Variants in NBPF26 observed in about 807,000 individuals in gnomAD.
The protein encoded by NBPF26 is NBPF member 26, also known as NBPF family member NBPF26.
In NBPF26, 79 loss-of-function variants were observed where a neutral mutation model predicts 119.6. The ratio of observed to expected loss-of-function variants is 0.66; its 90% CI spans 0.55 to 0.80. The LOEUF (loss-of-function observed/expected upper bound fraction) is 0.80. Among genes scored for constraint, NBPF26 ranks in the 30% least tolerant of loss-of-function variants. The pLI is 0.00. For synonymous variants in NBPF26, 299 were observed against 457.7 expected (o/e 0.65, Z 4.43); for missense variants, 800 against 1,198.2 (o/e 0.67, Z 4.91).
rs1553273395 is a variant in NBPF26, at chr1:120,840,326, C to G, written c.4104-24C>G. 33 of 1,444,232 alleles carry G rather than the reference C, an allele frequency of 2.3e-5. 8 individuals are homozygous for G. Among genetic ancestry groups the G allele is most frequent in the Non-Finnish European group, 3.0e-5 (32 of 1,082,600 alleles). 89.5% of individuals were successfully genotyped at this position (1,444,232 alleles called of 1,614,324 possible). ...GGTGTCCGATTTTCCCTGGCTGCTT[C>G]TTTAGTTTTGTCTCCTTTTGCAGGC... On this transcript the variant is annotated intron_variant, in intron 29 of 29. Transcript: ENST00000620612.
rs1428001473 is a variant in NBPF26, at chr1:120,783,788, G to C, written c.156-1186G>C. Among the ~76,000 whole-genome samples, 3 of 114,906 alleles carry C rather than the reference G, an allele frequency of 2.6e-5. No individual in the cohort carries two copies. The East Asian group carries it at 6.4e-4, about 25-fold the overall frequency. 75.4% of individuals were successfully genotyped at this position (114,906 alleles called of 152,430 possible). ...GGAAGAAGGAGAAATCAGCAATCCA[G>C]ACTAAGACTTCACTGGGTTTTGAGT... On this transcript the variant is annotated intron_variant, in intron 2 of 29. Coordinates refer to ENST00000620612, the Ensembl canonical transcript of NBPF26.
At chr1:120,806,355 G>A (rs1351789976) in intron 5 of NBPF26, among the ~76,000 whole-genome samples, 1 of 110,246 alleles carries the variant, frequency 9.1e-6, no homozygotes, top group African/African-American at 4.7e-5. Flanking sequence ...AGCACTTTGG[G>A]AGGCTGAGGC....
At chr1:120,750,719 G>T (rs1292510359) in intron 1 of NBPF26, among the ~76,000 whole-genome samples, 1 of 112,676 alleles carries the variant, frequency 8.9e-6, no homozygotes, top group Non-Finnish European at 1.7e-5. Flanking sequence ...CGTGGAGGTG[G>T]GTGGGCACAC....
At chr1:120,801,704 C>G (rs2101481613) in intron 4 of NBPF26, among the ~76,000 whole-genome samples, 1 of 106,720 alleles carries the variant, frequency 9.4e-6, no homozygotes, top group South Asian at 2.8e-4. Flanking sequence ...TGATGTGTGC[C>G]TAGAGTTCCA....
intron 14 of NBPF26, among the ~76,000 whole-genome samples, 163 bp downstream of exon 14, chr1:120,816,990 TTGTC>T (rs1283204198): frequency 8.3e-6 from 1 of 119,924 alleles, no homozygotes; most frequent in African/African-American, 4.5e-5. Context: ...TGTCATGACT[TTGTC>T]TGCCAGTCCC....
At chr1:120,770,510 G>A (rs1419291679) in intron 2 of NBPF26, among the ~76,000 whole-genome samples, 1 of 116,080 alleles carries the variant, frequency 8.6e-6, no homozygotes, top group East Asian at 2.1e-4. Flanking sequence ...TTAAGTTTGA[G>A]TCCTGATTCC....
At chr1:120,813,397 A>G (rs1226239711) in intron 10 of NBPF26, among the ~76,000 whole-genome samples, 1 of 127,508 alleles carries the variant, frequency 7.8e-6, no homozygotes, top group Non-Finnish European at 1.6e-5. Flanking sequence ...TATGATTCTT[A>G]AAATCATAAC....
intron 10 of NBPF26, among the ~76,000 whole-genome samples, chr1:120,813,258 T>A (rs1253405007): frequency 3.2e-5 from 4 of 124,086 alleles, no homozygotes; most frequent in South Asian, 2.3e-4. Flanking sequence ...GAACATTTAT[T>A]GGCACAGAGT....
Position 120,833,383 on chromosome 1 carries a change from C to CTG in NBPF26, c.3372-219_3372-218insGT, listed in dbSNP as rs1652403165. Reference sequence around the variant, plus strand: ...GGTCACTTTCTCTCTGTCTCTGTCTCTCTCTCTGTCTCTGTCTCTCTCTCT... The same window carrying CTG: ...GGTCACTTTCTCTCTGTCTCTGTCTCTGTCTCTCTGTCTCTGTCTCTCTCTCT... On this transcript the variant is annotated intron_variant, in intron 23 of 29. Transcript: ENST00000620612. Among the ~76,000 whole-genome samples, 3 of 78,850 alleles carry CTG rather than the reference C, an allele frequency of 3.8e-5. 1 individual carries two copies. In the South Asian group the frequency reaches 1.4e-3, roughly 36 times the overall value. The allele number at this position is 78,850 out of a possible 152,430, so 51.7% of individuals were successfully genotyped here.
In NBPF26 at chr1:120,724,319, C is replaced by G. The variant is rs1650790438; in HGVS notation, c.73+69C>G. 6 of 1,360,872 alleles carry G rather than the reference C, an allele frequency of 4.4e-6. 1 individual carries two copies. The highest frequency in any genetic ancestry group is 5.7e-6 in the Non-Finnish European group (6 of 1,044,874). 84.3% of individuals were successfully genotyped at this position (1,360,872 alleles called of 1,614,324 possible). On this transcript the variant is annotated intron_variant, in intron 1 of 29. Transcript: ENST00000620612. ...GCCACCTGGGGCGACCCTTCTCCCCCTCAGTCCTTCTCTGTGTGGGAAGGC... is the reference window on the plus strand; with the variant it reads ...GCCACCTGGGGCGACCCTTCTCCCCGTCAGTCCTTCTCTGTGTGGGAAGGC...
intron 4 of NBPF26, 170 bp from the exon 5 acceptor site, chr1:120,805,386 C>G: frequency 8.9e-7 from 1 of 1,119,384 alleles, no homozygotes; most frequent in East Asian, 2.5e-5. Context: ...AGTTGAGGCA[C>G]CTCGAACCTT....
chr1:120,810,881 C>A (rs1254206956), intron 9 of NBPF26, among the ~76,000 whole-genome samples: 1 of 108,726 alleles, frequency 9.2e-6, no homozygotes, highest in African/African-American at 5.5e-5. Context: ...CTGAGATGAT[C>A]CTCCCACTCT....
intron 2 of NBPF26, among the ~76,000 whole-genome samples, chr1:120,769,736 ATT>A (rs1391102148): frequency 8.7e-6 from 1 of 114,298 alleles, no homozygotes; most frequent in African/African-American, 5.0e-5. Flanking sequence ...GTTAATCAAT[ATT>A]GTTATCATAT....
Position 120,805,729 on chromosome 1 carries a change from C to T in NBPF26, c.925C>T (p.Leu309=). The T allele has an allele frequency of 1.4e-6, 2 of 1,449,318 alleles. 1 individual carries two copies. The highest frequency in any genetic ancestry group is 1.9e-6 in the Non-Finnish European group (2 of 1,075,306). The allele number at this position is 1,449,318 out of a possible 1,614,324, so 89.8% of individuals were successfully genotyped here. A position where few individuals can be genotyped will look rare whatever the true frequency, so the allele number is the denominator to read the frequency against. ...CAAAGAGAAATGTTTTCTAACTCAA[C>T]TGGCCGGCTTCCTGGCCAACCGACA... Residue 309 remains leucine, a synonymous_variant, in exon 5 of 30, where the codon CTG becomes TTG. Transcript: ENST00000620612.
intron 14 of NBPF26, among the ~76,000 whole-genome samples, chr1:120,817,363 C>T (rs1328637534): frequency 1.3e-5 from 1 of 78,428 alleles, no homozygotes; most frequent in Non-Finnish European, 2.2e-5. Flanking sequence ...GACCCTGGTT[C>T]TCCACCCTGT....
rs1469351952 is a variant in NBPF26 at position 120,822,349 on chromosome 1, C to A, written c.2587+82C>A. 1.6e-4 allele frequency: 102 copies of A among 635,334 alleles called. 25 individuals carry two copies. The South Asian group carries it at 1.6e-3, about 10-fold the overall frequency. 39.4% of individuals were successfully genotyped at this position (635,334 alleles called of 1,614,324 possible). A position where few individuals can be genotyped will look rare whatever the true frequency, so the allele number is the denominator to read the frequency against. ...ATAATCTTTGGGCCTTGTGCCCCTT[C>A]TTGGGCTGAGATTTGCCATCACTGT... On this transcript the variant is annotated intron_variant, in intron 16 of 29. Coordinates refer to ENST00000620612, the Ensembl canonical transcript of NBPF26.
In NBPF26 at chr1:120,805,172, C is replaced by T. The variant is rs1213096732; in HGVS notation, c.752-384C>T. 4.5e-4 allele frequency among the ~76,000 whole-genome samples: 53 copies of T among 118,760 alleles called. 4 individuals carry two copies. The highest frequency in any genetic ancestry group is 2.5e-3 in the African/African-American group (52 of 20,812). The allele number at this position is 118,760 out of a possible 152,430, so 77.9% of individuals were successfully genotyped here. A position where few individuals can be genotyped will look rare whatever the true frequency, so the allele number is the denominator to read the frequency against. The stretch of plus-strand genomic sequence containing the variant: ...GAGAGTGAATGCTGAAGGAATGATC[C>T]CCATTGGTGGTGACCCTCAGGTGAG... On this transcript the variant is annotated intron_variant, in intron 4 of 29. Transcript: ENST00000620612.
chr1:120,820,453 T>C (rs1266107117), intron 15 of NBPF26, among the ~76,000 whole-genome samples: 1 of 13,422 alleles, frequency 7.5e-5, no homozygotes, highest in Non-Finnish European at 1.9e-4. Context: ...TAAAAATATA[T>C]ATATATATAT....
At chr1:120,802,571 G>A (rs1553269090) in intron 4 of NBPF26, among the ~76,000 whole-genome samples, 3 of 122,124 alleles carry the variant, frequency 2.5e-5, no homozygotes, top group Non-Finnish European at 4.9e-5. Context: ...TCAAATTCAA[G>A]CATGCTTTGA....
Sources: gnomAD v4.1 joint callset for allele counts (sites outside exome capture counted in the v4.1 genomes callset) on GRCh38, gnomAD v4.1.1 for gene constraint, MANE v1.5 for transcripts, NCBI Gene and HGNC (gene_info 2026-07-23, HGNC 2026-07-21) for gene names.